The following METTL4 variants were observed in gnomAD, a reference collection of about 807,000 sequenced individuals.
METTL4 encodes the protein methyltransferase 4, N6-adenosine, also known as N(6)-adenine-specific methyltransferase METTL4.
In METTL4, 40 loss-of-function variants were observed where a neutral mutation model predicts 54.0. The observed-to-expected ratio is 0.74, with a 90% CI of 0.58 to 0.96. METTL4 has a LOEUF of 0.96. Ranked by LOEUF, METTL4 falls within the 50% of genes least tolerant of loss-of-function variation. The probability of loss-of-function intolerance (pLI) is 0.00; values close to 1 mark genes in which losing one functional copy is unlikely to be tolerated. For synonymous variants in METTL4, 169 were observed against 183.8 expected (o/e 0.92, Z 0.65); for missense variants, 525 against 549.0 (o/e 0.96, Z 0.44).
At chr18:2,540,595 G>C in intron 8 of METTL4, 1 of 985,420 alleles carries the variant, frequency 1.0e-6, no homozygotes, top group Non-Finnish European at 1.2e-6. Flanking sequence ...TTTGGGCTTT[G>C]ATGGGTTCTA....
chr18:2,556,832 TG>T lies in METTL4; in HGVS notation c.460-1795del, dbSNP rs149286020. Among the ~76,000 whole-genome samples, 6 of 135,826 alleles carry T rather than the reference TG, an allele frequency of 4.4e-5. No homozygotes were observed. In the East Asian group the frequency reaches 1.3e-3, roughly 30 times the overall value. 89.1% of individuals were successfully genotyped at this position (135,826 alleles called of 152,430 possible). On this transcript the variant is annotated intron_variant, in intron 3 of 8. Transcript: ENST00000574538. ...TTTGCTGAAGAGGATGAGGAGGAGG[TG>T]GGGGTCAGGGGAGGAGGAAGAAGAG...
chr18:2,556,690 T>C (rs1270311326), intron 3 of METTL4, among the ~76,000 whole-genome samples: 1 of 151,690 alleles, frequency 6.6e-6, no homozygotes, highest in African/African-American at 2.4e-5. Context: ...ATCAAAGATG[T>C]AAAGGAAAAA....
chr18:2,555,000 G>C lies in METTL4; in HGVS notation c.498C>G (p.Ile166Met). Reference protein sequence around the residue: ...ELILDGSLQLIQEGLKSGFLY... With the variant: ...ELILDGSLQLMQEGLKSGFLY... ...GAAAACCACTTTTGAGACCTTCCTG[G>C]ATCAACTGTAAAGATCCATCCAAAA... is the stretch of plus-strand genomic sequence containing the variant. The change falls in exon 4 of 9, where the codon ATC (isoleucine) becomes ATG (methionine). Residue 166 changes from isoleucine to methionine, a missense_variant. By Grantham distance (10) the Ile-to-Met change is conservative. Transcript: ENST00000574538. 6.2e-7 allele frequency: 1 copy of C among 1,613,846 alleles called. No individual in the cohort carries two copies. The highest frequency in any genetic ancestry group is 1.1e-5 in the South Asian group (1 of 91,062).
At chr18:2,564,701 T>C (rs2072376068) in intron 2 of METTL4, among the ~76,000 whole-genome samples, 1 of 152,170 alleles carries the variant, frequency 6.6e-6, no homozygotes, top group African/African-American at 2.4e-5. Context: ...AATAAATAAA[T>C]GGACTTAATA....
chr18:2,545,826 A>G (rs745544195), intron 6 of METTL4, among the ~76,000 whole-genome samples: 7 of 152,206 alleles, frequency 4.6e-5, no homozygotes, highest in Non-Finnish European at 8.8e-5. Flanking sequence ...TATCATAACA[A>G]TATGTATAAT....
At chr18:2,563,442 A>C (rs959710080) in intron 3 of METTL4, among the ~76,000 whole-genome samples, 2 of 151,902 alleles carry the variant, frequency 1.3e-5, no homozygotes, top group Admixed American at 1.3e-4. Flanking sequence ...AAAATACAAA[A>C]AATTAGCAGG....
intron 2 of METTL4, among the ~76,000 whole-genome samples, chr18:2,566,351 CCCTTCTTACAAACTTTTATTACGTAT>C (rs2072418273): frequency 6.6e-6 from 1 of 152,070 alleles, no homozygotes; most frequent in East Asian, 1.9e-4. Flanking sequence ...AAAACAATCA[CCCTTCTTACAAACTTTTATTACGTAT>C]CTCCAAGGGA....
rs370803901 is a variant in METTL4 at position 2,551,089 on chromosome 18, G to A, written c.899+1606C>T. Among the ~76,000 whole-genome samples, 19 of 149,006 alleles carry A rather than the reference G, an allele frequency of 1.3e-4. No homozygotes were observed. The East Asian group carries it at 2.2e-3, about 17-fold the overall frequency. ...TGAGGCAGGAGAATGGCGTGAACCCGGGAGGCGGAGCTTGCAGTGAGCCGA... is the reference window on the plus strand; with the variant it reads ...TGAGGCAGGAGAATGGCGTGAACCCAGGAGGCGGAGCTTGCAGTGAGCCGA... On this transcript the variant is annotated intron_variant, in intron 5 of 8. Coordinates refer to ENST00000574538, the MANE Select transcript of METTL4 (RefSeq NM_022840.5).
intron 4 of METTL4, chr18:2,554,125 G>A (rs942371369): frequency 6.6e-5 from 10 of 152,272 alleles, no homozygotes; most frequent in African/African-American, 1.9e-4. Flanking sequence ...ACTGGGGCTC[G>A]GTTTTGTGAA....
intron 8 of METTL4, chr18:2,540,753 C>T (rs751030298): frequency 7.8e-5 from 77 of 985,322 alleles, no homozygotes; most frequent in Non-Finnish European, 9.3e-5. Context: ...GAATTTAACG[C>T]CTCACCAGCC....
intron 3 of METTL4, among the ~76,000 whole-genome samples, chr18:2,555,759 C>T (rs2072229883): frequency 6.6e-6 from 1 of 151,794 alleles, no homozygotes; most frequent in Non-Finnish European, 1.5e-5. Context: ...ACCCTTTCAT[C>T]TGAAATTACT....
Position 2,554,678 on chromosome 18 carries a change from G to A in METTL4, c.820C>T (p.Leu274Phe). 1.9e-6 allele frequency: 3 copies of A among 1,602,834 alleles called. No individual in the cohort carries two copies. Among genetic ancestry groups the A allele is most frequent in the Middle Eastern group, 1.9e-4 (1 of 5,330 alleles). The part of the protein sequence containing the change: ...LLSDISCMQP[L>F]LNYRKTFDVI... ...CACAATAATTACTTACAGTTTAGAA[G>A]TGGTTGCATACAAGAAATGTCAGAT... The change falls in exon 4 of 9, where the codon CTT (leucine) becomes TTT (phenylalanine). Residue 274 changes from leucine to phenylalanine, a missense_variant. Transcript: ENST00000574538.
intron 6 of METTL4, among the ~76,000 whole-genome samples, chr18:2,547,086 C>CA (rs1226452775): frequency 4.6e-5 from 7 of 152,094 alleles, no homozygotes; most frequent in African/African-American, 1.7e-4. Context: ...AAACTACAGA[C>CA]AAAATCAGAG....
chr18:2,540,138 G>A lies in METTL4; in HGVS notation c.1274-993C>T, dbSNP rs149645755. 385 of 984,914 alleles carry A rather than the reference G, an allele frequency of 3.9e-4. 5 individuals are homozygous for A. Among genetic ancestry groups the A allele is most frequent in the Admixed American group, 6.1e-5 (1 of 16,272 alleles). The allele number at this position is 984,914 out of a possible 1,614,324, so 61.0% of individuals were successfully genotyped here. ...TATTTTGTTGGGGAAAGAGCTGTAG[G>A]CTAAAGAGCTGTTGTCTACACTAAA... On this transcript the variant is annotated intron_variant, in intron 8 of 8. Coordinates refer to ENST00000574538, the MANE Select transcript of METTL4 (RefSeq NM_022840.5).
At chr18:2,543,692 T>C (rs2072027819) in intron 8 of METTL4, among the ~76,000 whole-genome samples, 1 of 152,166 alleles carries the variant, frequency 6.6e-6, no homozygotes, top group Non-Finnish European at 1.5e-5. Flanking sequence ...TACTAAAGCA[T>C]TAAGACTAGT....
intron 3 of METTL4, among the ~76,000 whole-genome samples, 159 bp from the exon 4 acceptor site, chr18:2,555,197 T>C (rs2072221884): frequency 1.3e-5 from 2 of 152,248 alleles, no homozygotes; most frequent in Admixed American, 6.5e-5. Flanking sequence ...AGCACGCCTT[T>C]GAACTGCTGT....
chr18:2,566,126 CAA>C (rs1362128720), intron 2 of METTL4, among the ~76,000 whole-genome samples: 2 of 150,838 alleles, frequency 1.3e-5, no homozygotes, highest in Non-Finnish European at 3.0e-5. Flanking sequence ...GTAAAAAAGA[CAA>C]TGCTGATATC....
intron 5 of METTL4, among the ~76,000 whole-genome samples, chr18:2,551,812 C>T (rs1292389171): frequency 6.6e-6 from 1 of 152,144 alleles, no homozygotes; most frequent in African/African-American, 2.4e-5. Context: ...GAAGAAATTT[C>T]ATATGAAGTT....
chr18:2,554,748 T>G lies in METTL4; in HGVS notation c.750A>C (p.Leu250Phe), dbSNP rs2072211875. 6.2e-7 allele frequency: 1 copy of G among 1,613,292 alleles called. No individual in the cohort carries two copies. The highest frequency in any genetic ancestry group is 1.3e-5 in the African/African-American group (1 of 74,834). Residue 250 changes from leucine to phenylalanine, a missense_variant, in exon 4 of 9, where the codon TTA becomes TTC. By Grantham distance (22) the Leu-to-Phe change is conservative. Coordinates refer to ENST00000574538, the MANE Select transcript of METTL4 (RefSeq NM_022840.5). Reference protein sequence around the residue: ...NNSSFTKVITLMGQKYLLPPK... With the variant: ...NNSSFTKVITFMGQKYLLPPK... ...GTGGTAGCAGGTATTTCTGTCCCATTAAAGTAATCACTTTTGTAAAGCTAG... is the reference window on the plus strand; with the variant it reads ...GTGGTAGCAGGTATTTCTGTCCCATGAAAGTAATCACTTTTGTAAAGCTAG...
Sources: allele counts gnomAD v4.1 joint callset (sites outside exome capture counted in the v4.1 genomes callset), GRCh38; gene constraint gnomAD v4.1.1; transcripts MANE v1.5; gene names NCBI Gene and HGNC (gene_info 2026-07-23, HGNC 2026-07-21).